Variants in HELZ observed in about 807,000 individuals in gnomAD.
HELZ encodes the protein helicase with zinc finger.
In HELZ, 23 loss-of-function variants were observed where a neutral mutation model predicts 218.2. The observed-to-expected ratio is 0.11, with a 90% CI of 0.08 to 0.15. The LOEUF (loss-of-function observed/expected upper bound fraction) is 0.15, where lower values mean the gene tolerates loss of function less well. HELZ is among the 10% of genes least tolerant of loss of function. The pLI is 1.00. For synonymous variants in HELZ, 814 were observed against 829.4 expected (o/e 0.98, Z 0.32); for missense variants, 1,813 against 2,353.7 (o/e 0.77, Z 4.75).
At chr17:67,181,007 C>G (rs149366344) in intron 12 of HELZ, among the ~76,000 whole-genome samples, 7,695 of 151,634 alleles carry the variant, frequency 0.051, 674 homozygotes, top group African/African-American at 0.18. Flanking sequence ...GAGCCAAGAT[C>G]GCGCCACTGC....
intron 31 of HELZ, among the ~76,000 whole-genome samples, chr17:67,091,948 C>T (rs1380324601): frequency 1.3e-5 from 2 of 152,138 alleles, no homozygotes; most frequent in East Asian, 3.8e-4. Flanking sequence ...TGGATCAGTA[C>T]AGTTCCCTAG....
At position 67,126,922 on chromosome 17, in the gene HELZ, T is replaced by A. The variant is rs137997359; in HGVS notation, c.3387+1729A>T. On this transcript the variant is annotated intron_variant, in intron 24 of 32. Transcript: ENST00000358691. ...TAGAGCTAGCTATGTATGAAAGTCA[T>A]GTCCCCTGTTCTCTTATACCGGGAG... 1.2e-3 allele frequency among the ~76,000 whole-genome samples: 183 copies of A among 152,334 alleles called. 1 individual carries two copies. Among genetic ancestry groups the A allele is most frequent in the African/African-American group, 4.0e-3 (168 of 41,584 alleles).
intron 13 of HELZ, among the ~76,000 whole-genome samples, chr17:67,168,512 T>C (rs887124660): frequency 3.3e-5 from 5 of 152,318 alleles, no homozygotes; most frequent in Admixed American, 6.5e-5. Flanking sequence ...ACACATTGCA[T>C]TGAAAATTAC....
upstream of HELZ, chr17:67,245,468 C>T: frequency 6.1e-6 from 6 of 985,702 alleles, no homozygotes; most frequent in Non-Finnish European, 7.2e-6. Flanking sequence ...CCTCTCGCCT[C>T]GCCGCGTTCC....
intron 5 of HELZ, among the ~76,000 whole-genome samples, chr17:67,204,202 C>G (rs2143133664): frequency 6.6e-6 from 1 of 152,182 alleles, no homozygotes; most frequent in East Asian, 1.9e-4. Context: ...AAAATTATTT[C>G]CAAGGAAATG....
At chr17:67,151,992 A>C (rs2038697951) in intron 17 of HELZ, among the ~76,000 whole-genome samples, 2 of 152,182 alleles carry the variant, frequency 1.3e-5, no homozygotes, top group African/African-American at 2.4e-5. Flanking sequence ...CCTTGGGTTT[A>C]CTCTGAGTTT....
intron 13 of HELZ, among the ~76,000 whole-genome samples, chr17:67,169,136 T>C (rs1317767437): frequency 6.6e-6 from 1 of 151,912 alleles, no homozygotes; most frequent in East Asian, 1.9e-4. Context: ...GAAAGAAAGA[T>C]GTAAACTAAT....
chr17:67,141,399 C>G (rs2038318862), intron 21 of HELZ, among the ~76,000 whole-genome samples: 2 of 147,314 alleles, frequency 1.4e-5, no homozygotes, highest in East Asian at 4.0e-4. Context: ...ATGTACTTGC[C>G]ACCCTTCTCT....
intron 13 of HELZ, among the ~76,000 whole-genome samples, chr17:67,177,658 G>T: frequency 6.8e-6 from 1 of 146,458 alleles, no homozygotes; most frequent in Admixed American, 6.8e-5. Flanking sequence ...AAAAAAAAAA[G>T]CCTTTTAAGA....
At chr17:67,079,220 C>T (rs1467591690) in intron 32 of HELZ, among the ~76,000 whole-genome samples, 1 of 152,194 alleles carries the variant, frequency 6.6e-6, no homozygotes, top group Non-Finnish European at 1.5e-5. Context: ...CTTTTCTTTT[C>T]AATCTTTTAA....
chr17:67,108,758 A>G lies in HELZ; in HGVS notation c.4490-32T>C. 1 of 1,487,256 alleles carries G rather than the reference A, an allele frequency of 6.7e-7. No individual in the cohort carries two copies. The highest frequency in any genetic ancestry group is 9.1e-7 in the Non-Finnish European group (1 of 1,095,378). 92.1% of individuals were successfully genotyped at this position (1,487,256 alleles called of 1,614,324 possible). Reference sequence around the variant, plus strand: ...AAATATTTGTGAAAAATTTTTTATGAATTTGGGGTTTCAAGTTCATTATTT... The same window carrying G: ...AAATATTTGTGAAAAATTTTTTATGGATTTGGGGTTTCAAGTTCATTATTT... On this transcript the variant is annotated intron_variant, in intron 29 of 32. Coordinates refer to ENST00000358691, the MANE Select transcript of HELZ (RefSeq NM_014877.4). The surrounding 1 kb of genome is among the most constrained non-coding windows in gnomAD (Gnocchi z 4.1).
chr17:67,073,968 G>A lies in HELZ; in HGVS notation c.*4284C>T, dbSNP rs1024964741. 1.3e-5 allele frequency: 2 copies of A among 152,096 alleles called. No individual in the cohort carries two copies. The highest frequency in any genetic ancestry group is 1.3e-4 in the Admixed American group (2 of 15,270). The allele number at this position is 152,096 out of a possible 1,614,324, so 9.4% of individuals were successfully genotyped here. A position where few individuals can be genotyped will look rare whatever the true frequency, so the allele number is the denominator to read the frequency against. ...CCAGTTACTCTTTCAAGATGGAGAT[G>A]GTGTCTTTGTAAGTGATTGGCACCA... On this transcript the variant is annotated 3_prime_UTR_variant, in exon 33 of 33. Transcript: ENST00000358691.
At chr17:67,151,301 GTTATT>G (rs2038674965) in intron 17 of HELZ, 77 bp from the exon 18 acceptor site, 1 of 1,134,680 alleles carries the variant, frequency 8.8e-7, no homozygotes, top group South Asian at 1.5e-5. Flanking sequence ...CACTGACATT[GTTATT>G]TTAAGATGGT....
At chr17:67,153,165 T>G (rs1330984330) in intron 17 of HELZ, among the ~76,000 whole-genome samples, 7 of 152,052 alleles carry the variant, frequency 4.6e-5, no homozygotes. Context: ...CTGATGCAGG[T>G]CGGGTGAAGG....
intron 31 of HELZ, among the ~76,000 whole-genome samples, chr17:67,097,876 G>GA (rs2036798068): frequency 6.6e-6 from 1 of 152,048 alleles, no homozygotes; most frequent in Non-Finnish European, 1.5e-5. Flanking sequence ...CCAGCTTTTG[G>GA]AAAAAATGTA....
chr17:67,245,574 G>A, upstream of HELZ: 1 of 960,380 alleles, frequency 1.0e-6, no homozygotes, highest in Non-Finnish European at 1.2e-6. Context: ...TTATTTGTGC[G>A]CGTGGATGTG....
chr17:67,104,253 T>G (rs2037021605), intron 31 of HELZ, among the ~76,000 whole-genome samples: 1 of 151,702 alleles, frequency 6.6e-6, no homozygotes, highest in African/African-American at 2.4e-5. Flanking sequence ...GCTAACATGG[T>G]GAAACCCCGT....
chr17:67,089,668 TAG>T (rs1555595394), intron 31 of HELZ, among the ~76,000 whole-genome samples: 17,243 of 70,326 alleles, frequency 0.25, 2,197 homozygotes, highest in Non-Finnish European at 0.31. Context: ...TATATATATA[TAG>T]AGAGAGAGAG....
At chr17:67,214,038 C>T (rs2143250858) in intron 5 of HELZ, among the ~76,000 whole-genome samples, 1 of 152,228 alleles carries the variant, frequency 6.6e-6, no homozygotes, top group African/African-American at 2.4e-5. Context: ...ATAACAATAA[C>T]TTCTTCAGAT....
Sources: gnomAD v4.1 joint callset for allele counts (sites outside exome capture counted in the v4.1 genomes callset) on GRCh38, gnomAD v4.1.1 for gene constraint, Gnocchi (gnomAD v3.1) non-coding constraint, MANE v1.5 for transcripts, NCBI Gene and HGNC (gene_info 2026-07-23, HGNC 2026-07-21) for gene names.